The following GALNT13 variants were observed in gnomAD, a reference collection of about 807,000 sequenced individuals.
GALNT13 encodes the protein UDP-GalNAc:polypeptide N-acetylgalactosaminyltransferase 13.
A neutral mutation model predicts 64.2 loss-of-function variants in GALNT13; 28 were observed. The ratio of observed to expected loss-of-function variants is 0.44; its 90% CI spans 0.32 to 0.60. The LOEUF (loss-of-function observed/expected upper bound fraction) is 0.60. Ranked by LOEUF, GALNT13 falls within the 20% of genes least tolerant of loss-of-function variation. The pLI is 0.05. For synonymous variants in GALNT13, 214 were observed against 224.6 expected, an observed-to-expected ratio of 0.95 and a Z score of 0.42; for missense variants, 577 against 669.8, an observed-to-expected ratio of 0.86 and a Z score of 1.53.
chr2:154,413,750 C>T (rs1234281226), intron 11 of GALNT13, among the ~76,000 whole-genome samples: 2 of 151,966 alleles, frequency 1.3e-5, no homozygotes, highest in Non-Finnish European at 2.9e-5. Context: ...GTTGAAAACC[C>T]GATAATTTAG....
At chr2:154,209,310 G>T (rs919696835) in intron 4 of GALNT13, among the ~76,000 whole-genome samples, 1 of 152,128 alleles carries the variant, frequency 6.6e-6, no homozygotes, top group African/African-American at 2.4e-5. Flanking sequence ...ACAAATCTCA[G>T]TGGAGAATGT....
the GALNT13 span, among the ~76,000 whole-genome samples, chr2:153,743,615 T>C: frequency 6.6e-6 from 1 of 152,156 alleles, no homozygotes; most frequent in African/African-American, 2.4e-5. Context: ...CAAAGAATAA[T>C]AATCACATAG....
chr2:153,389,757 G>T, the GALNT13 span, among the ~76,000 whole-genome samples: 7 of 152,058 alleles, frequency 4.6e-5, no homozygotes, highest in African/African-American at 1.4e-4. Flanking sequence ...ACATTGGAGA[G>T]AGCGCTGGGC....
the GALNT13 span, among the ~76,000 whole-genome samples, chr2:153,581,300 C>G: frequency 2.9e-3 from 437 of 152,190 alleles, 9 homozygotes; most frequent in Admixed American, 0.023. Flanking sequence ...CTAGAATGAT[C>G]GAGCACACAG....
the GALNT13 span, among the ~76,000 whole-genome samples, chr2:153,561,603 A>C: frequency 6.6e-6 from 1 of 150,692 alleles, no homozygotes; most frequent in Admixed American, 6.6e-5. Flanking sequence ...AGCATTTTGC[A>C]TTTCAGATTT....
the GALNT13 span, among the ~76,000 whole-genome samples, chr2:153,726,347 CAA>C: frequency 6.6e-6 from 1 of 151,876 alleles, no homozygotes; most frequent in African/African-American, 2.4e-5. Flanking sequence ...AAAAAAAATG[CAA>C]GTTTTTTTTC....
At chr2:153,069,675 G>T in the GALNT13 span, among the ~76,000 whole-genome samples, 1 of 152,178 alleles carries the variant, frequency 6.6e-6, no homozygotes, top group Non-Finnish European at 1.5e-5. Context: ...GATGTAAGCT[G>T]CACAAGGTGG....
chr2:154,397,825 T>G (rs1019110343), intron 10 of GALNT13, among the ~76,000 whole-genome samples: 2 of 152,232 alleles, frequency 1.3e-5, no homozygotes, highest in Non-Finnish European at 2.9e-5. Flanking sequence ...GTGAAAAATT[T>G]CATGTGTAAT....
chr2:153,533,046 T>C, the GALNT13 span, among the ~76,000 whole-genome samples: 1 of 152,232 alleles, frequency 6.6e-6, no homozygotes, highest in Non-Finnish European at 1.5e-5. Context: ...TTTGTGGGTA[T>C]TCGATTCTCT....
At chr2:154,396,277 C>A in intron 10 of GALNT13, 147 bp downstream of exon 10, 1 of 472,128 alleles carries the variant, frequency 2.1e-6, no homozygotes, top group Non-Finnish European at 3.5e-6. Flanking sequence ...TTTCAAGGAC[C>A]ATGAAGTCTT....
intron 3 of GALNT13, among the ~76,000 whole-genome samples, chr2:154,131,898 A>G (rs11691140): frequency 0.2 from 30,524 of 152,160 alleles, 3,999 homozygotes; most frequent in Middle Eastern, 0.32. Flanking sequence ...CCTCTTGCAA[A>G]CCAGTGATGT....
the GALNT13 span, among the ~76,000 whole-genome samples, chr2:153,461,859 T>A: frequency 6.6e-6 from 1 of 152,120 alleles, no homozygotes; most frequent in Non-Finnish European, 1.5e-5. Flanking sequence ...TGTGAGCTCC[T>A]AACTATAGAC....
intron 11 of GALNT13, among the ~76,000 whole-genome samples, chr2:154,412,543 A>G (rs1699839034): frequency 6.6e-6 from 1 of 151,818 alleles, no homozygotes; most frequent in South Asian, 2.1e-4. Context: ...CATTTCTAAA[A>G]AAAGGTATTT....
At chr2:154,099,336 A>C (rs1373376720) in intron 3 of GALNT13, among the ~76,000 whole-genome samples, 4 of 151,990 alleles carry the variant, frequency 2.6e-5, no homozygotes, top group Non-Finnish European at 5.9e-5. Flanking sequence ...CAGAGGCATA[A>C]TTTGCAAATA....
chr2:153,590,628 ATAAAG>A, the GALNT13 span, among the ~76,000 whole-genome samples: 1 of 152,002 alleles, frequency 6.6e-6, no homozygotes, highest in Admixed American at 6.5e-5. Flanking sequence ...AAAAAACACA[ATAAAG>A]TAAGTTTTAT....
chr2:154,315,523 G>A (rs1027318197), intron 9 of GALNT13, among the ~76,000 whole-genome samples: 1 of 152,150 alleles, frequency 6.6e-6, no homozygotes, highest in African/African-American at 2.4e-5. Context: ...ATGCCTAAAG[G>A]CTGGTGCATA....
the GALNT13 span, among the ~76,000 whole-genome samples, chr2:153,468,168 G>A: frequency 6.6e-6 from 1 of 151,580 alleles, no homozygotes; most frequent in African/African-American, 2.4e-5. Flanking sequence ...TCTGAACCAT[G>A]GAATCATAAA....
the GALNT13 span, among the ~76,000 whole-genome samples, chr2:153,593,792 A>G: frequency 6.6e-6 from 1 of 152,160 alleles, no homozygotes; most frequent in African/African-American, 2.4e-5. Flanking sequence ...AACATAAAAT[A>G]TCACTGGACT....
At chr2:154,310,295 C>T (rs180949870) in intron 9 of GALNT13, among the ~76,000 whole-genome samples, 4 of 152,202 alleles carry the variant, frequency 2.6e-5, no homozygotes, top group African/African-American at 7.2e-5. Flanking sequence ...GTCTTTAGAG[C>T]TTACTGAGCT....
Sources: gnomAD v4.1 joint callset for allele counts (sites outside exome capture counted in the v4.1 genomes callset) on GRCh38, gnomAD v4.1.1 for gene constraint, MANE v1.5 for transcripts, NCBI Gene and HGNC (gene_info 2026-07-23, HGNC 2026-07-21) for gene names.